DGKG: variants seen among roughly 807,000 people sequenced by gnomAD.
DGKG encodes the protein DAG kinase gamma.
A neutral mutation model predicts 105.3 loss-of-function variants in DGKG; 78 were observed. The observed-to-expected ratio is 0.74, with a 90% CI of 0.62 to 0.89. The LOEUF is 0.89. DGKG is among the 40% of genes least tolerant of loss of function. The pLI is 0.00. For missense variants in DGKG, 958 were observed against 1,020.1 expected, an observed-to-expected ratio of 0.94 and a Z score of 0.83; for synonymous variants, 346 against 367.1, an observed-to-expected ratio of 0.94 and a Z score of 0.66.
intron 2 of DGKG, among the ~76,000 whole-genome samples, chr3:186,308,466 A>G (rs926125641): frequency 2.6e-5 from 4 of 152,166 alleles, no homozygotes; most frequent in African/African-American, 9.7e-5. Flanking sequence ...TTAAAAGCTC[A>G]CACAGTGTTT....
At chr3:186,238,943 G>C (rs745812460) in intron 20 of DGKG, among the ~76,000 whole-genome samples, 4 of 152,164 alleles carry the variant, frequency 2.6e-5, no homozygotes, top group Non-Finnish European at 5.9e-5. Flanking sequence ...AGGATTCAAA[G>C]AGGCCTCAGA....
chr3:186,157,927 T>C (rs1716116316), intron 24 of DGKG, among the ~76,000 whole-genome samples: 1 of 152,128 alleles, frequency 6.6e-6, no homozygotes, highest in African/African-American at 2.4e-5. Context: ...GGTCTCAAAC[T>C]CCTGACCTCA....
intron 24 of DGKG, chr3:186,160,679 C>G (rs1294981066): frequency 1.0e-6 from 1 of 985,332 alleles, no homozygotes; most frequent in African/African-American, 1.7e-5. Flanking sequence ...AGTGAGGAAG[C>G]TTAGAAACTC....
intron 1 of DGKG, among the ~76,000 whole-genome samples, chr3:186,322,572 C>T (rs1219162656): frequency 6.6e-6 from 1 of 152,080 alleles, no homozygotes; most frequent in East Asian, 1.9e-4. Context: ...ACCCTTGAAC[C>T]TAAAATAAAA....
chr3:186,332,831 G>A (rs137987983), intron 1 of DGKG, among the ~76,000 whole-genome samples: 1 of 152,256 alleles, frequency 6.6e-6, no homozygotes, highest in East Asian at 1.9e-4. Context: ...TGAGGACACT[G>A]CCCTAGTGAA....
rs188658392 is a variant in DGKG, at chr3:186,150,130, C to A, written c.2336G>T (p.Ser779Ile). 3.4e-5 allele frequency: 55 copies of A among 1,613,726 alleles called. No individual in the cohort carries two copies. The Admixed American group carries it at 9.2e-4, about 27-fold the overall frequency. The change falls in exon 25 of 25, where the codon AGC becomes ATC. Residue 779 changes from serine (S) to isoleucine (I), a missense_variant. Physicochemically the swap from Ser to Ile is moderately radical, Grantham distance 142 (BLOSUM62 -2). This residue lies in a region of DGKG where 315 missense variants were observed against 400.6 expected (regional missense o/e 0.79). Transcript: ENST00000265022. The part of the protein sequence containing the change: ...PMMMGPPQKS[S>I]FFSLRRKSRS... ...GCTCTTCCTTCTCAACGAGAAGAAG[C>A]TGCTCTTCTGGGGAGGCCCCATCAT...
Position 186,245,657 on chromosome 3 carries a change from CT to C in DGKG, c.1762-3090del, listed in dbSNP as rs774520821. ...ACAGCCTTACTCTCTGAGGTCTTTT[CT>C]TTCAGGTGTGGGGTGAAGAGGAGAT... On this transcript the variant is annotated intron_variant, in intron 19 of 24. Transcript: ENST00000265022. 5.4e-4 allele frequency among the ~76,000 whole-genome samples: 83 copies of C among 152,320 alleles called. 1 individual carries two copies. The highest frequency in any genetic ancestry group is 9.6e-4 in the Non-Finnish European group (65 of 68,026).
chr3:186,279,828 T>G lies in DGKG; in HGVS notation c.792+23A>C. ...ATGTTCCTGAATGGCAAGAGATCTCTGAACTCCAGCTTGTTGACTTACAGA... is the reference window on the plus strand; with the variant it reads ...ATGTTCCTGAATGGCAAGAGATCTCGGAACTCCAGCTTGTTGACTTACAGA... On this transcript the variant is annotated intron_variant, in intron 9 of 24. Coordinates refer to ENST00000265022, the MANE Select transcript of DGKG (RefSeq NM_001346.3). 2.5e-6 allele frequency: 4 copies of G among 1,610,542 alleles called. 1 individual carries two copies. The South Asian group carries it at 4.4e-5, about 18-fold the overall frequency.
At chr3:186,269,591 C>T (rs191936103) in intron 11 of DGKG, among the ~76,000 whole-genome samples, 127 of 152,264 alleles carry the variant, frequency 8.3e-4, no homozygotes, top group African/African-American at 2.8e-3. Flanking sequence ...AATGCCCAGC[C>T]GACACTCCAG....
At chr3:186,344,656 T>G (rs1726244703) in intron 1 of DGKG, among the ~76,000 whole-genome samples, 1 of 152,174 alleles carries the variant, frequency 6.6e-6, no homozygotes, top group Non-Finnish European at 1.5e-5. Flanking sequence ...GCTTAATACC[T>G]GGGTGATGAA....
rs1026812498 is a variant in DGKG at position 186,289,000 on chromosome 3, G to C, written c.374-120C>G. ...GAATTTTGTAGAAGTGTCTTCAAAA[G>C]CTTTGGTTACATAGATGTGACCAAA... is the stretch of plus-strand genomic sequence containing the variant. On this transcript the variant is annotated intron_variant, in intron 5 of 24. Coordinates refer to ENST00000265022, the MANE Select transcript of DGKG (RefSeq NM_001346.3). 5 of 1,026,162 alleles carry C rather than the reference G, an allele frequency of 4.9e-6. No homozygotes were observed. The African/African-American group carries it at 4.9e-5, about 10-fold the overall frequency. The allele number at this position is 1,026,162 out of a possible 1,614,324, so 63.6% of individuals were successfully genotyped here. A position where few individuals can be genotyped will look rare whatever the true frequency, so the allele number is the denominator to read the frequency against.
chr3:186,315,140 G>C (rs1023505445), intron 2 of DGKG, among the ~76,000 whole-genome samples: 1 of 152,164 alleles, frequency 6.6e-6, no homozygotes, highest in Non-Finnish European at 1.5e-5. Context: ...CTCCCCTATA[G>C]TGTCCAAACA....
At chr3:186,244,252 T>C (rs1356881081) in intron 19 of DGKG, among the ~76,000 whole-genome samples, 1 of 152,104 alleles carries the variant, frequency 6.6e-6, no homozygotes, top group Non-Finnish European at 1.5e-5. Flanking sequence ...GAGCATGAAC[T>C]CTGTGTGGTG....
At chr3:186,259,550 C>T (rs1218153007) in intron 16 of DGKG, among the ~76,000 whole-genome samples, 1 of 152,194 alleles carries the variant, frequency 6.6e-6, no homozygotes, top group African/African-American at 2.4e-5. Context: ...CAACCAAAGA[C>T]AGGGTCAAAT....
At chr3:186,196,567 A>ATGT (rs1718194514) in intron 21 of DGKG, among the ~76,000 whole-genome samples, 1 of 152,218 alleles carries the variant, frequency 6.6e-6, no homozygotes, top group Non-Finnish European at 1.5e-5. Context: ...GAATGGCCCA[A>ATGT]TGTTACTTAG....
intron 21 of DGKG, among the ~76,000 whole-genome samples, chr3:186,211,126 A>C (rs2108519988): frequency 6.6e-6 from 1 of 152,348 alleles, no homozygotes; most frequent in African/African-American, 2.4e-5. Context: ...ACACAAGTGC[A>C]CCAACAGGAT....
chr3:186,215,613 G>A (rs1015988792), intron 20 of DGKG, among the ~76,000 whole-genome samples: 3 of 151,938 alleles, frequency 2.0e-5, no homozygotes, highest in African/African-American at 7.3e-5. Context: ...TAGAAATCCA[G>A]GAGATAACTG....
At chr3:186,313,573 C>G in intron 2 of DGKG, 3 of 958,602 alleles carry the variant, frequency 3.1e-6, no homozygotes, top group Non-Finnish European at 3.7e-6. Context: ...AGTGTGGTCC[C>G]TGGACCAGCA....
chr3:186,178,236 CT>C (rs1717185443), intron 22 of DGKG, among the ~76,000 whole-genome samples: 1 of 152,212 alleles, frequency 6.6e-6, no homozygotes, highest in East Asian at 1.9e-4. Flanking sequence ...AAGAAAAACA[CT>C]TCTTGCACCA....
Sources: gnomAD v4.1 joint callset for allele counts (sites outside exome capture counted in the v4.1 genomes callset) on GRCh38, gnomAD v4.1.1 for gene constraint, gnomAD v4.1.1 regional missense constraint, MANE v1.5 for transcripts, NCBI Gene and HGNC (gene_info 2026-07-23, HGNC 2026-07-21) for gene names.